The following LRMDA variants were observed in gnomAD, a reference collection of about 807,000 sequenced individuals.
The protein encoded by LRMDA is leucine-rich melanocyte differentiation-associated protein.
Under a neutral mutation model 29.8 loss-of-function variants are expected in LRMDA, and 18 were observed. The observed-to-expected ratio is 0.60, with a 90% CI of 0.42 to 0.90. The LOEUF (loss-of-function observed/expected upper bound fraction) is 0.90. LRMDA is among the 40% of genes least tolerant of loss of function. The pLI, the probability that LRMDA is intolerant of heterozygous loss-of-function variation, is 0.00. For synonymous variants in LRMDA, 125 were observed against 109.4 expected, an observed-to-expected ratio of 1.14 and a Z score of -0.89; for missense variants, 273 against 273.9, an observed-to-expected ratio of 1.00 and a Z score of 0.02.
chr10:76,022,312 A>G (rs982277791), intron 2 of LRMDA, among the ~76,000 whole-genome samples: 15 of 152,112 alleles, frequency 9.9e-5, no homozygotes, highest in Admixed American at 2.6e-4. Flanking sequence ...CTAACCCCAC[A>G]TTTTGCATAC....
At chr10:75,981,314 T>C (rs1246322490) in intron 2 of LRMDA, among the ~76,000 whole-genome samples, 1 of 152,244 alleles carries the variant, frequency 6.6e-6, no homozygotes, top group Non-Finnish European at 1.5e-5. Flanking sequence ...TATTGGGCTC[T>C]ACTCTCTGCC....
chr10:75,600,775 C>T (rs772314550), intron 2 of LRMDA, among the ~76,000 whole-genome samples: 18 of 152,170 alleles, frequency 1.2e-4, no homozygotes, highest in Non-Finnish European at 2.2e-4. Flanking sequence ...AAAAGAAAGC[C>T]TGGGCTAAGT....
chr10:75,515,699 T>C (rs1249577983), intron 2 of LRMDA, among the ~76,000 whole-genome samples: 1 of 152,102 alleles, frequency 6.6e-6, no homozygotes. Context: ...ATGTTTTTCT[T>C]TTTTCTTTTT....
At chr10:75,882,295 A>G (rs1418800356) in intron 2 of LRMDA, among the ~76,000 whole-genome samples, 2 of 152,172 alleles carry the variant, frequency 1.3e-5, no homozygotes, top group Non-Finnish European at 2.9e-5. Context: ...TGCAAGCCAA[A>G]CTCAAACTTC....
At chr10:76,011,590 G>A (rs1847782495) in intron 2 of LRMDA, among the ~76,000 whole-genome samples, 1 of 152,178 alleles carries the variant, frequency 6.6e-6, no homozygotes, top group African/African-American at 2.4e-5. Context: ...CTGCATGTGA[G>A]GATCGTGTGC....
At chr10:76,046,920 A>G (rs1848448178) in intron 3 of LRMDA, among the ~76,000 whole-genome samples, 1 of 152,252 alleles carries the variant, frequency 6.6e-6, no homozygotes, top group African/African-American at 2.4e-5. Context: ...TGGGACAATC[A>G]AGTTTATTCA....
At chr10:75,838,317 T>C (rs980104815) in intron 2 of LRMDA, among the ~76,000 whole-genome samples, 12 of 152,188 alleles carry the variant, frequency 7.9e-5, no homozygotes, top group Non-Finnish European at 1.2e-4. Flanking sequence ...GAAAAATGTA[T>C]TGTGTATCGT....
intron 2 of LRMDA, among the ~76,000 whole-genome samples, chr10:75,834,333 G>C (rs1844396604): frequency 6.6e-6 from 1 of 152,134 alleles, no homozygotes; most frequent in African/African-American, 2.4e-5. Context: ...TCTTCAAAGA[G>C]CTTTCTGTGT....
intron 6 of LRMDA, among the ~76,000 whole-genome samples, chr10:76,478,561 G>A (rs1159685130): frequency 6.6e-6 from 1 of 152,162 alleles, no homozygotes; most frequent in South Asian, 2.1e-4. Flanking sequence ...ATACCCAAAG[G>A]ATTATAAATG....
chr10:75,537,369 C>G (rs546904886), intron 2 of LRMDA, among the ~76,000 whole-genome samples: 49 of 152,308 alleles, frequency 3.2e-4, no homozygotes, highest in Admixed American at 2.9e-3. Flanking sequence ...AAGTTCTGCT[C>G]TGATTCTGCC....
chr10:75,761,906 TC>T (rs1040814608), intron 2 of LRMDA, among the ~76,000 whole-genome samples: 2 of 150,838 alleles, frequency 1.3e-5, no homozygotes, highest in Admixed American at 1.3e-4. Flanking sequence ...GCTCAAGTGA[TC>T]CCCCCACCTC....
chr10:75,860,589 C>T (rs181373187), intron 2 of LRMDA, among the ~76,000 whole-genome samples: 9 of 152,078 alleles, frequency 5.9e-5, no homozygotes, highest in Middle Eastern at 3.4e-3. Flanking sequence ...CCCAAAGTGC[C>T]GGGGTTACAA....
intron 6 of LRMDA, among the ~76,000 whole-genome samples, chr10:76,534,985 C>T (rs1248462590): frequency 6.6e-6 from 1 of 152,190 alleles, no homozygotes; most frequent in Non-Finnish European, 1.5e-5. Context: ...TGCTTGCTTT[C>T]CTTGCCTGTC....
At chr10:76,360,398 AT>A (rs983528847) in intron 6 of LRMDA, among the ~76,000 whole-genome samples, 1 of 152,148 alleles carries the variant, frequency 6.6e-6, no homozygotes, top group African/African-American at 2.4e-5. Context: ...TCTTTAGCTC[AT>A]CTAAGATACA....
At chr10:75,486,348 ACTT>A (rs1844912847) in intron 2 of LRMDA, among the ~76,000 whole-genome samples, 1 of 152,184 alleles carries the variant, frequency 6.6e-6, no homozygotes, top group South Asian at 2.1e-4. Flanking sequence ...TTGATATTAC[ACTT>A]CTTGTAGTTC....
intron 2 of LRMDA, among the ~76,000 whole-genome samples, chr10:75,546,922 C>T (rs1327711470): frequency 6.6e-6 from 1 of 152,118 alleles, no homozygotes; most frequent in Non-Finnish European, 1.5e-5. Flanking sequence ...CTTCAATATT[C>T]CCATTTTACA....
chr10:76,150,639 T>C (rs1427257000), intron 5 of LRMDA, among the ~76,000 whole-genome samples: 1 of 152,236 alleles, frequency 6.6e-6, no homozygotes, highest in Non-Finnish European at 1.5e-5. Context: ...GGATACAGCC[T>C]GTCTCAGTTT....
intron 6 of LRMDA, among the ~76,000 whole-genome samples, chr10:76,514,979 A>T (rs188749618): frequency 4.7e-4 from 72 of 152,308 alleles, no homozygotes; most frequent in African/African-American, 1.6e-3. Context: ...ATGTGCATAA[A>T]TTATTGTAAT....
At chr10:75,900,370 C>T (rs1845650410) in intron 2 of LRMDA, among the ~76,000 whole-genome samples, 2 of 152,100 alleles carry the variant, frequency 1.3e-5, no homozygotes, top group South Asian at 4.1e-4. Context: ...TGGTGCCAGT[C>T]AGAGTTAAAT....
Sources: allele counts gnomAD v4.1 joint callset (sites outside exome capture counted in the v4.1 genomes callset), GRCh38; gene constraint gnomAD v4.1.1; transcripts MANE v1.5; gene names NCBI Gene and HGNC (gene_info 2026-07-23, HGNC 2026-07-21).